GLIS3: variants seen among roughly 807,000 people sequenced by gnomAD.
GLIS3 encodes the protein zinc finger protein GLIS3.
In GLIS3, 53 loss-of-function variants were observed where a neutral mutation model predicts 78.6. That is an observed-to-expected ratio of 0.67 (90% CI 0.54 to 0.85). GLIS3 has a LOEUF of 0.85. Among genes scored for constraint, GLIS3 ranks in the 40% least tolerant of loss-of-function variants. The probability of loss-of-function intolerance (pLI) is 0.00; values close to 1 mark genes in which losing one functional copy is unlikely to be tolerated. For synonymous variants in GLIS3, 684 were observed against 509.9 expected (o/e 1.34, Z -4.60); for missense variants, 1,703 against 1,231.1 (o/e 1.38, Z -5.74).
chr9:4,287,842 C>G (rs1332509546), intron 1 of GLIS3, among the ~76,000 whole-genome samples: 2 of 152,210 alleles, frequency 1.3e-5, no homozygotes, highest in South Asian at 2.1e-4. Context: ...CTCACTATGC[C>G]TTCTGCAAAG....
At chr9:4,465,543 C>T in the GLIS3 span, among the ~76,000 whole-genome samples, 41 of 151,432 alleles carry the variant, frequency 2.7e-4, no homozygotes, top group Middle Eastern at 6.8e-3. Context: ...AGTGAGACTC[C>T]GACTCAAAAA....
intron 2 of GLIS3, among the ~76,000 whole-genome samples, chr9:4,260,709 G>A (rs942625005): frequency 3.3e-5 from 5 of 151,968 alleles, no homozygotes; most frequent in African/African-American, 4.8e-5. Context: ...TCGTGCCACT[G>A]TACTCCAGCC....
intron 4 of GLIS3, among the ~76,000 whole-genome samples, chr9:4,109,152 C>G (rs1364165343): frequency 1.3e-5 from 2 of 151,860 alleles, no homozygotes; most frequent in Non-Finnish European, 2.9e-5. Context: ...AAAAAAATGT[C>G]AAAGTAAATC....
At chr9:4,204,317 T>C (rs1469204812) in intron 2 of GLIS3, among the ~76,000 whole-genome samples, 1 of 152,162 alleles carries the variant, frequency 6.6e-6, no homozygotes, top group Non-Finnish European at 1.5e-5. Flanking sequence ...AGAAAATATT[T>C]GGCTTTGGTT....
the GLIS3 span, among the ~76,000 whole-genome samples, chr9:4,398,907 T>G: frequency 6.6e-6 from 1 of 152,218 alleles, no homozygotes; most frequent in Non-Finnish European, 1.5e-5. Context: ...CAGGCTGGTC[T>G]TGAACTCCTA....
intron 2 of GLIS3, among the ~76,000 whole-genome samples, chr9:4,256,721 T>C (rs142358310): frequency 6.3e-4 from 96 of 152,328 alleles, no homozygotes; most frequent in Middle Eastern, 3.4e-3. Flanking sequence ...TGTTTATCAA[T>C]AGGAGAATGA....
At chr9:4,196,810 G>T (rs1022179949) in intron 2 of GLIS3, among the ~76,000 whole-genome samples, 2 of 152,160 alleles carry the variant, frequency 1.3e-5, no homozygotes, top group East Asian at 1.9e-4. Flanking sequence ...CACAACTACA[G>T]TTTCTACCAC....
At chr9:4,441,426 G>A in the GLIS3 span, among the ~76,000 whole-genome samples, 27,562 of 152,048 alleles carry the variant, frequency 0.18, 2,873 homozygotes, top group Middle Eastern at 0.29. Context: ...TTTTGTTAAT[G>A]AATCACATTT....
chr9:4,061,666 C>T (rs767606805), intron 4 of GLIS3, among the ~76,000 whole-genome samples: 4 of 151,984 alleles, frequency 2.6e-5, no homozygotes, highest in Non-Finnish European at 4.4e-5. Flanking sequence ...TTTAGAGTCT[C>T]GGGTACAAAT....
chr9:4,054,988 C>T (rs7047164), intron 4 of GLIS3, among the ~76,000 whole-genome samples: 36,105 of 151,574 alleles, frequency 0.24, 5,308 homozygotes, highest in South Asian at 0.44. Context: ...ATCTGGCTAA[C>T]GTTGATATCT....
At chr9:4,042,276 A>G (rs145052795) in intron 4 of GLIS3, among the ~76,000 whole-genome samples, 9 of 152,308 alleles carry the variant, frequency 5.9e-5, no homozygotes, top group Admixed American at 2.0e-4. Flanking sequence ...CAAGTATCCA[A>G]GATGTAAACA....
At chr9:4,031,567 G>A (rs1415411421) in intron 4 of GLIS3, among the ~76,000 whole-genome samples, 1 of 152,158 alleles carries the variant, frequency 6.6e-6, no homozygotes, top group Admixed American at 6.6e-5. Flanking sequence ...ATAAGTGATG[G>A]TTGCACAACA....
chr9:4,226,085 A>G (rs1165682573), intron 2 of GLIS3, among the ~76,000 whole-genome samples: 1 of 152,192 alleles, frequency 6.6e-6, no homozygotes, highest in Non-Finnish European at 1.5e-5. Context: ...TTTTCCTTTA[A>G]TCAACTTCAA....
intron 2 of GLIS3, among the ~76,000 whole-genome samples, chr9:4,264,876 A>G (rs1825838511): frequency 6.6e-6 from 1 of 152,088 alleles, no homozygotes; most frequent in African/African-American, 2.4e-5. Context: ...CAGTGAAATA[A>G]CAATCTTCGG....
chr9:4,001,334 C>T (rs776318431), intron 4 of GLIS3, among the ~76,000 whole-genome samples: 2 of 152,100 alleles, frequency 1.3e-5, no homozygotes, highest in Non-Finnish European at 2.9e-5. Flanking sequence ...ATTGTATATG[C>T]CTGTCAAAGA....
the GLIS3 span, among the ~76,000 whole-genome samples, chr9:4,411,778 A>T: frequency 1.3e-5 from 2 of 152,240 alleles, 1 homozygote; most frequent in Non-Finnish European, 2.9e-5. Context: ...CCACAGTCTT[A>T]TGCCGAAGTT....
intron 1 of GLIS3, among the ~76,000 whole-genome samples, chr9:4,289,789 C>T (rs962652781): frequency 6.6e-5 from 10 of 152,118 alleles, no homozygotes; most frequent in Non-Finnish European, 7.4e-5. Flanking sequence ...TGAAAATGTT[C>T]ATTCTGCTAA....
chr9:4,323,771 A>T (rs755711514), intron 2 of GLIS3, among the ~76,000 whole-genome samples: 5 of 152,202 alleles, frequency 3.3e-5, no homozygotes, highest in Non-Finnish European at 7.3e-5. Context: ...AACCATGTCT[A>T]TGTTTGATTG....
intron 4 of GLIS3, among the ~76,000 whole-genome samples, chr9:4,091,205 A>T (rs1829470008): frequency 1.3e-5 from 2 of 152,052 alleles, no homozygotes; most frequent in Admixed American, 1.3e-4. Context: ...AATAATTTTT[A>T]AAATGTTAAA....
Sources: allele counts gnomAD v4.1 joint callset (sites outside exome capture counted in the v4.1 genomes callset), GRCh38; gene constraint gnomAD v4.1.1; transcripts MANE v1.5; gene names NCBI Gene and HGNC (gene_info 2026-07-23, HGNC 2026-07-21).